Variants in ACACB observed in about 807,000 individuals in gnomAD.
ACACB encodes the protein acetyl-CoA carboxylase beta, also known as acetyl-CoA carboxylase 2.
ACACB carries 209 observed loss-of-function variants against 278.8 expected under a neutral mutation model. The ratio of observed to expected loss-of-function variants is 0.75; its 90% CI spans 0.67 to 0.84. The LOEUF is 0.84. Among genes scored for constraint, ACACB ranks in the 40% least tolerant of loss-of-function variants. The probability of loss-of-function intolerance (pLI) is 0.00; values close to 1 mark genes in which losing one functional copy is unlikely to be tolerated. For synonymous variants in ACACB, 1,174 were observed against 1,285.6 expected (o/e 0.91, Z 1.86); for missense variants, 2,850 against 3,269.0 (o/e 0.87, Z 3.13).
At chr12:109,142,197 T>C (rs1449501495) in intron 2 of ACACB, among the ~76,000 whole-genome samples, 1 of 152,160 alleles carries the variant, frequency 6.6e-6, no homozygotes, top group Non-Finnish European at 1.5e-5. Context: ...TATAGTGAGC[T>C]ATAATTGTGC....
intron 6 of ACACB, 45 bp downstream of exon 6, chr12:109,172,401 G>A (rs754056820): frequency 6.4e-7 from 1 of 1,572,388 alleles, no homozygotes; most frequent in East Asian, 2.2e-5. Context: ...GGGTATTGCT[G>A]GGACACTCTG....
chr12:109,239,928 C>T lies in ACACB; in HGVS notation c.4761C>T (p.Thr1587=), dbSNP rs764092258. 1.3e-5 allele frequency: 21 copies of T among 1,614,076 alleles called. No homozygotes were observed. Among genetic ancestry groups the T allele is most frequent in the African/African-American group, 4.0e-5 (3 of 74,934 alleles). ...CGTTCAATAACACCAGCGTGCGCAC[C>T]GACTGCAACCACATCTTCCTCAACT... ...EVAFNNTSVR[T]DCNHIFLNFV... Residue 1587 remains threonine, a synonymous_variant, in exon 35 of 53, where the codon ACC becomes ACT. Transcript: ENST00000338432.
intron 1 of ACACB, among the ~76,000 whole-genome samples, chr12:109,133,747 G>A (rs2042889347): frequency 6.7e-6 from 1 of 149,712 alleles, no homozygotes; most frequent in South Asian, 2.1e-4. Context: ...CATTCTCTTG[G>A]TGTTCCTGAA....
chr12:109,136,327 C>T (rs949745722), intron 1 of ACACB, among the ~76,000 whole-genome samples: 5 of 152,170 alleles, frequency 3.3e-5, no homozygotes, highest in Non-Finnish European at 5.9e-5. Flanking sequence ...ATTGGGGCCT[C>T]TTGAAATTCC....
intron 24 of ACACB, among the ~76,000 whole-genome samples, chr12:109,222,294 C>CGAGTGAGTGAGTGAGT (rs112567037): frequency 0.027 from 4,006 of 150,952 alleles, 156 homozygotes; most frequent in African/African-American, 0.085. Context: ...AATGGGTGGC[C>CGAGTGAGTGAGTGAGT]GAGTGAGTGA....
rs776023628 is a variant in ACACB, at chr12:109,191,894, C to A, written c.2343C>A (p.Asn781Lys). The A allele has an allele frequency of 6.2e-7, 1 of 1,614,178 alleles. No individual in the cohort carries two copies. Among genetic ancestry groups the A allele is most frequent in the East Asian group, 2.2e-5 (1 of 44,884 alleles). ...IMLGVVCGAL[N>K]VADAMFRTCM... ...TTGGGGTGGTATGCGGGGCCTTGAACGTGGCCGATGCGATGTTCAGAACGT... is the reference window on the plus strand; with the variant it reads ...TTGGGGTGGTATGCGGGGCCTTGAAAGTGGCCGATGCGATGTTCAGAACGT... The change falls in exon 15 of 53, where the codon AAC (asparagine) becomes AAA (lysine). Residue 781 changes from asparagine to lysine, a missense_variant. Physicochemically the swap from Asn to Lys is moderately conservative, Grantham distance 94. Around this residue, in one of 3 missense-constraint regions of ACACB, gnomAD observed 2,265 missense variants for 2,561.3 expected, o/e 0.88. Transcript: ENST00000338432.
intron 37 of ACACB, 128 bp downstream of exon 37, chr12:109,242,720 G>T (rs2046834900): frequency 1.7e-6 from 2 of 1,164,988 alleles, no homozygotes; most frequent in Non-Finnish European, 2.4e-6. Flanking sequence ...AGGTGCGGTG[G>T]CTCACGCCTA....
intron 4 of ACACB, among the ~76,000 whole-genome samples, chr12:109,170,919 C>T (rs111853511): frequency 7.2e-5 from 11 of 151,958 alleles, no homozygotes; most frequent in African/African-American, 2.4e-4. Flanking sequence ...TCATTGTAGC[C>T]TCGACCTTCT....
intron 4 of ACACB, 39 bp from the exon 5 acceptor site, chr12:109,171,766 G>T (rs1001305696): frequency 3.3e-6 from 5 of 1,493,502 alleles, no homozygotes; most frequent in Non-Finnish European, 4.7e-6. Flanking sequence ...ATGTCAGTCT[G>T]TCAGCAGTTC....
chr12:109,258,952 C>T (rs1421949081), intron 46 of ACACB, 21 bp from the exon 47 acceptor site: 20 of 1,612,862 alleles, frequency 1.2e-5, no homozygotes, highest in Non-Finnish European at 1.6e-5. Flanking sequence ...GACATCTGAT[C>T]CCCGCAGCTC....
intron 1 of ACACB, among the ~76,000 whole-genome samples, chr12:109,135,538 C>T (rs1479940520): frequency 6.6e-6 from 1 of 151,554 alleles, no homozygotes; most frequent in African/African-American, 2.4e-5. Flanking sequence ...GTCCAATTTA[C>T]CTATTTTTTC....
intron 43 of ACACB, 54 bp from the exon 44 acceptor site, chr12:109,254,160 G>A (rs2136776936): frequency 1.2e-6 from 2 of 1,602,238 alleles, no homozygotes; most frequent in East Asian, 2.2e-5. Flanking sequence ...GCTGATCAGA[G>A]GTATTATTGA....
intron 2 of ACACB, among the ~76,000 whole-genome samples, chr12:109,147,140 C>T (rs567559202): frequency 2.6e-5 from 4 of 152,308 alleles, no homozygotes; most frequent in African/African-American, 9.6e-5. Flanking sequence ...AAATCTACCC[C>T]CCAATTACCT....
intron 27 of ACACB, among the ~76,000 whole-genome samples, chr12:109,226,083 A>G (rs1593631020): frequency 2.0e-5 from 3 of 151,808 alleles, no homozygotes; most frequent in East Asian, 2.0e-4. Context: ...CCTGGGCAAC[A>G]TAGGAAGATC....
Position 109,265,126 on chromosome 12 carries a change from A to G in ACACB, c.6959A>G (p.Lys2320Arg). The change falls in exon 51 of 53, where the codon AAG (lysine) becomes AGG (arginine). Residue 2320 changes from lysine (K) to arginine (R), a missense_variant. Transcript: ENST00000338432. Reference protein sequence around the residue: ...KGVISDILEWKTARTFLYWRL... With the variant: ...KGVISDILEWRTARTFLYWRL... ...CGTCCACAGGACATCCTGGAGTGGA[A>G]GACCGCACGCACCTTCCTGTATTGG... 1 of 1,610,344 alleles carries G rather than the reference A, an allele frequency of 6.2e-7. No homozygotes were observed. Among genetic ancestry groups the G allele is most frequent in the Admixed American group, 1.7e-5 (1 of 59,582 alleles).
chr12:109,163,336 A>G (rs987928840), intron 2 of ACACB, among the ~76,000 whole-genome samples: 1 of 152,222 alleles, frequency 6.6e-6, no homozygotes, highest in Non-Finnish European at 1.5e-5. Flanking sequence ...TCTCATTAAT[A>G]TCATCGTTGA....
At chr12:109,128,412 A>C (rs774076330) in intron 1 of ACACB, among the ~76,000 whole-genome samples, 2 of 151,960 alleles carry the variant, frequency 1.3e-5, no homozygotes, top group African/African-American at 2.4e-5. Context: ...ATCTTGGCTC[A>C]TTGCAACTTC....
chr12:109,245,626 G>T lies in ACACB; in HGVS notation c.5179G>T (p.Ala1727Ser). ...IYDFPEMFRQ[A>S]LFKLWGSPDK... is the part of the protein sequence containing the mutation. Reference sequence around the variant, plus strand: ...TTTCTCTTTCCTCTTCTCTCCCCAGGCTCTCTTTAAACTGTGGGGCTCCCC... The same window carrying T: ...TTTCTCTTTCCTCTTCTCTCCCCAGTCTCTCTTTAAACTGTGGGGCTCCCC... Residue 1727 changes from alanine (A) to serine (S), a missense_variant and splice_region_variant, in exon 38 of 53, where the codon GCT becomes TCT. Physicochemically the swap from Ala to Ser is moderately conservative, Grantham distance 99 (BLOSUM62 1). Around this residue, in one of 3 missense-constraint regions of ACACB, gnomAD observed 2,265 missense variants for 2,561.3 expected, o/e 0.88. Coordinates refer to ENST00000338432, the MANE Select transcript of ACACB (RefSeq NM_001093.4). 2 of 1,612,944 alleles carry T rather than the reference G, an allele frequency of 1.2e-6. No individual in the cohort carries two copies. Among genetic ancestry groups the T allele is most frequent in the East Asian group, 2.2e-5 (1 of 44,864 alleles).
At chr12:109,206,202 A>G (rs1222954662) in intron 19 of ACACB, among the ~76,000 whole-genome samples, 1 of 152,080 alleles carries the variant, frequency 6.6e-6, no homozygotes. Flanking sequence ...TTGGGAGGCC[A>G]AGGCGGGCAG....
Sources: gnomAD v4.1 joint callset for allele counts (sites outside exome capture counted in the v4.1 genomes callset) on GRCh38, gnomAD v4.1.1 for gene constraint, gnomAD v4.1.1 regional missense constraint, MANE v1.5 for transcripts, NCBI Gene and HGNC (gene_info 2026-07-23, HGNC 2026-07-21) for gene names.